The following NRF1 variants were observed in gnomAD, a reference collection of about 807,000 sequenced individuals.
NRF1 encodes alpha palindromic-binding protein.
In NRF1, 5 loss-of-function variants were observed where a neutral mutation model predicts 58.5. The ratio of observed to expected loss-of-function variants is 0.09; its 90% CI spans 0.04 to 0.18. The LOEUF (loss-of-function observed/expected upper bound fraction) is 0.18. Among genes scored for constraint, NRF1 ranks in the 10% least tolerant of loss-of-function variants. NRF1 has a pLI of 1.00. For missense variants in NRF1, 288 were observed against 657.7 expected (o/e 0.44, Z 6.15); for synonymous variants, 224 against 246.7 (o/e 0.91, Z 0.86).
At chr7:129,714,391 G>A (rs1233223754) in intron 8 of NRF1, among the ~76,000 whole-genome samples, 2 of 152,224 alleles carry the variant, frequency 1.3e-5, no homozygotes, top group African/African-American at 4.8e-5. Context: ...GCAGCAGCAT[G>A]GGCCAGACTG....
chr7:129,750,054 T>G (rs1265323573), intron 10 of NRF1, among the ~76,000 whole-genome samples: 5 of 151,994 alleles, frequency 3.3e-5, no homozygotes, highest in Non-Finnish European at 7.4e-5. Context: ...AGAAGTCAAG[T>G]GACATGCAGC....
At chr7:129,679,433 A>T (rs549697262) in intron 4 of NRF1, among the ~76,000 whole-genome samples, 4 of 152,316 alleles carry the variant, frequency 2.6e-5, no homozygotes, top group East Asian at 3.9e-4. Flanking sequence ...TATGTCTGAT[A>T]AAAAAACTGA....
In NRF1 at chr7:129,755,595, A is replaced by G. The variant is rs1016553312; in HGVS notation, c.*414A>G. ...AAACCCGCATGGAATTATCTGTATG[A>G]AATCAAGGTGCGCTGTGGAAACAAT... On this transcript the variant is annotated 3_prime_UTR_variant, in exon 11 of 11. Transcript: ENST00000393232. This position sits in a 1 kb window ranked among gnomAD's most constrained non-coding sequence, Gnocchi z 5.8. 6.6e-6 allele frequency: 1 copy of G among 152,110 alleles called. No individual in the cohort carries two copies. Among genetic ancestry groups the G allele is most frequent in the Non-Finnish European group, 1.5e-5 (1 of 68,044 alleles). The allele number at this position is 152,110 out of a possible 1,614,324, so 9.4% of individuals were successfully genotyped here.
rs1802908988 is a variant in NRF1 at position 129,704,649 on chromosome 7, C to T, written c.607-4426C>T. Among the ~76,000 whole-genome samples the T allele has an allele frequency of 2.6e-5, 4 of 152,036 alleles. No homozygotes were observed. The South Asian group carries it at 6.2e-4, about 24-fold the overall frequency. Reference sequence around the variant, plus strand: ...CTAGTGAGATATCTTGGGGATAGGACCACAATCTAAACACAGAATTTATTT... The same window carrying T: ...CTAGTGAGATATCTTGGGGATAGGATCACAATCTAAACACAGAATTTATTT... On this transcript the variant is annotated intron_variant, in intron 5 of 10. Transcript: ENST00000393232.
intron 5 of NRF1, among the ~76,000 whole-genome samples, chr7:129,700,109 C>G (rs1351196812): frequency 6.6e-6 from 1 of 151,444 alleles, no homozygotes; most frequent in Non-Finnish European, 1.5e-5. Context: ...CCATTGCACT[C>G]CAGCCTGAGA....
At chr7:129,683,869 G>T (rs1008903555) in intron 4 of NRF1, among the ~76,000 whole-genome samples, 2 of 151,914 alleles carry the variant, frequency 1.3e-5, no homozygotes, top group Non-Finnish European at 2.9e-5. Flanking sequence ...CTAACCTCAG[G>T]TGATCCTCCT....
At chr7:129,677,928 C>G (rs1379484449) in intron 4 of NRF1, among the ~76,000 whole-genome samples, 170 bp downstream of exon 4, 1 of 144,338 alleles carries the variant, frequency 6.9e-6, no homozygotes, top group African/African-American at 2.5e-5. Flanking sequence ...ACAAAATGAT[C>G]ATTACTCTTT....
At chr7:129,646,046 C>T (rs1025722558) in intron 1 of NRF1, among the ~76,000 whole-genome samples, 2 of 152,176 alleles carry the variant, frequency 1.3e-5, no homozygotes, top group African/African-American at 2.4e-5. Flanking sequence ...GACAGGGTTT[C>T]ATCATGTTGG....
intron 1 of NRF1, among the ~76,000 whole-genome samples, chr7:129,651,667 G>A (rs561602567): frequency 2.6e-4 from 39 of 152,232 alleles, no homozygotes; most frequent in African/African-American, 9.2e-4. Flanking sequence ...GAAGTACCCA[G>A]AATTCTAAAA....
At chr7:129,622,153 A>C (rs1054290039) in intron 1 of NRF1, among the ~76,000 whole-genome samples, 2 of 152,186 alleles carry the variant, frequency 1.3e-5, no homozygotes, top group African/African-American at 4.8e-5. Flanking sequence ...CTATAAGCTT[A>C]TTAGGTGATT....
chr7:129,709,673 A>G (rs1377763326), intron 6 of NRF1, among the ~76,000 whole-genome samples: 1 of 150,000 alleles, frequency 6.7e-6, no homozygotes, highest in African/African-American at 2.5e-5. Flanking sequence ...AGACTAAACT[A>G]CCTACCATTC....
At chr7:129,646,779 C>T (rs1038459091) in intron 1 of NRF1, among the ~76,000 whole-genome samples, 1 of 152,182 alleles carries the variant, frequency 6.6e-6, no homozygotes, top group Non-Finnish European at 1.5e-5. Context: ...TTGGCAGGCT[C>T]AGCCCCAGAG....
chr7:129,736,653 C>T lies in NRF1; in HGVS notation c.1348+9288C>T, dbSNP rs181633078. Among the ~76,000 whole-genome samples the T allele has an allele frequency of 2.5e-4, 38 of 150,648 alleles. No homozygotes were observed. The East Asian group carries it at 6.0e-3, about 24-fold the overall frequency. On this transcript the variant is annotated intron_variant, in intron 10 of 10. Transcript: ENST00000393232. ...TAGCTTTTTTTTTTTTCTTTGCCTC[C>T]GCTAGCAGCAGGGAGGGTATTAGCT...
At chr7:129,612,028 G>T (rs1464212077) in intron 1 of NRF1, among the ~76,000 whole-genome samples, 1 of 149,744 alleles carries the variant, frequency 6.7e-6, no homozygotes, top group Non-Finnish European at 1.5e-5. Flanking sequence ...GGATGCGCAG[G>T]CCGCACTAGG....
intron 1 of NRF1, among the ~76,000 whole-genome samples, chr7:129,642,086 C>A (rs1252709727): frequency 6.6e-6 from 1 of 152,132 alleles, no homozygotes; most frequent in Admixed American, 6.5e-5. Flanking sequence ...TCCAGCAATT[C>A]TCCTGCCTCA....
chr7:129,635,974 ATTT>A (rs1801161579), intron 1 of NRF1, among the ~76,000 whole-genome samples: 1 of 151,910 alleles, frequency 6.6e-6, no homozygotes, highest in South Asian at 2.1e-4. Context: ...AACACCTCTT[ATTT>A]TTCTAACTAT....
intron 1 of NRF1, among the ~76,000 whole-genome samples, chr7:129,634,914 A>G (rs1247223891): frequency 6.6e-6 from 1 of 152,188 alleles, no homozygotes; most frequent in Non-Finnish European, 1.5e-5. Context: ...TCCCTACATA[A>G]ATAATACCAG....
At chr7:129,739,647 A>G (rs1373079457) in intron 10 of NRF1, among the ~76,000 whole-genome samples, 1 of 152,078 alleles carries the variant, frequency 6.6e-6, no homozygotes, top group Non-Finnish European at 1.5e-5. Context: ...TGCACTGCAG[A>G]GTCCAAGCAG....
chr7:129,667,549 C>A (rs1801949278), intron 2 of NRF1, among the ~76,000 whole-genome samples: 1 of 151,536 alleles, frequency 6.6e-6, no homozygotes, highest in South Asian at 2.1e-4. Context: ...AGTTTGTTGC[C>A]CACCCCCATT....
Sources: gnomAD v4.1 joint callset for allele counts (sites outside exome capture counted in the v4.1 genomes callset) on GRCh38, gnomAD v4.1.1 for gene constraint, Gnocchi (gnomAD v3.1) non-coding constraint, MANE v1.5 for transcripts, NCBI Gene and HGNC (gene_info 2026-07-23, HGNC 2026-07-21) for gene names.